Variants in CCDC102A observed in about 807,000 individuals in gnomAD.
The protein encoded by CCDC102A is coiled-coil domain containing 102A, also known as coiled-coil domain-containing protein 102A.
Under a neutral mutation model 55.5 loss-of-function variants are expected in CCDC102A, and 40 were observed. That is an observed-to-expected ratio of 0.72 (90% CI 0.56 to 0.94). The LOEUF (loss-of-function observed/expected upper bound fraction) is 0.94, where lower values mean the gene tolerates loss of function less well. Ranked by LOEUF, CCDC102A falls within the 40% of genes least tolerant of loss-of-function variation. CCDC102A has a pLI of 0.00. For synonymous variants in CCDC102A, 323 were observed against 339.0 expected (o/e 0.95, Z 0.52); for missense variants, 779 against 768.6 (o/e 1.01, Z -0.16).
chr16:57,535,110 G>T (rs766494530), intron 1 of CCDC102A, among the ~76,000 whole-genome samples: 55 of 152,322 alleles, frequency 3.6e-4, no homozygotes, highest in Middle Eastern at 3.4e-3. Flanking sequence ...AGAAAGCAGA[G>T]CCCAGTGGGA....
Position 57,528,834 on chromosome 16 carries a change from C to A in CCDC102A, c.344G>T (p.Arg115Leu). The change falls in exon 2 of 9, where the codon CGC (arginine) becomes CTC (leucine). Residue 115 changes from arginine (R) to leucine (L), a missense_variant. Arg to Leu is a moderately radical substitution (Grantham distance 102). Transcript: ENST00000258214. ...GCGCACCTCCTCGCGCGCGCGGTTGCGCTCAGCGCGCACCTTGCTCCATTT... is the reference window on the plus strand; with the variant it reads ...GCGCACCTCCTCGCGCGCGCGGTTGAGCTCAGCGCGCACCTTGCTCCATTT... ...REKWSKVRAE[R>L]NRAREEVRQL... 1.5e-6 allele frequency: 2 copies of A among 1,292,052 alleles called. No individual in the cohort carries two copies. The highest frequency in any genetic ancestry group is 1.7e-5 in the South Asian group (1 of 57,938). 80.0% of individuals were successfully genotyped at this position (1,292,052 alleles called of 1,614,324 possible). A position where few individuals can be genotyped will look rare whatever the true frequency, so the allele number is the denominator to read the frequency against.
At chr16:57,527,117 G>T (rs2032150659) in intron 2 of CCDC102A, among the ~76,000 whole-genome samples, 1 of 152,232 alleles carries the variant, frequency 6.6e-6, no homozygotes, top group South Asian at 2.1e-4. Context: ...TCAGCCACAG[G>T]AGGCAGCAGT....
chr16:57,531,357 C>G (rs1448630630), intron 1 of CCDC102A, among the ~76,000 whole-genome samples: 1 of 151,996 alleles, frequency 6.6e-6, no homozygotes, highest in African/African-American at 2.4e-5. Context: ...TTTCCTCCCC[C>G]ACCCACCGCC....
chr16:57,519,047 C>T (rs1325077235), intron 4 of CCDC102A, among the ~76,000 whole-genome samples: 1 of 152,212 alleles, frequency 6.6e-6, no homozygotes, highest in Non-Finnish European at 1.5e-5. Context: ...CCACCCTCCT[C>T]CCACAAAGCC....
intron 2 of CCDC102A, 83 bp from the exon 3 acceptor site, chr16:57,526,210 G>T: frequency 9.9e-7 from 1 of 1,012,100 alleles, no homozygotes; most frequent in Non-Finnish European, 1.4e-6. Context: ...GTAACCTTGG[G>T]CAAGTCACAC....
intron 4 of CCDC102A, among the ~76,000 whole-genome samples, chr16:57,520,122 G>A (rs1485395124): frequency 6.6e-6 from 1 of 152,156 alleles, no homozygotes; most frequent in Non-Finnish European, 1.5e-5. Context: ...GTACAGATAG[G>A]AACCCAATGA....
intron 5 of CCDC102A, 46 bp from the exon 6 acceptor site, chr16:57,518,323 T>C (rs772847984): frequency 2.5e-6 from 4 of 1,574,862 alleles, no homozygotes; most frequent in Non-Finnish European, 2.6e-6. Context: ...GGAGGGGGCA[T>C]GCAGGGCCTG....
In CCDC102A at chr16:57,528,776, C is replaced by T. The variant is rs778651639; in HGVS notation, c.402G>A (p.Lys134=). Residue 134 remains lysine, a synonymous_variant, in exon 2 of 9, where the codon AAG becomes AAA. Coordinates refer to ENST00000258214, the MANE Select transcript of CCDC102A (RefSeq NM_033212.4). The stretch of plus-strand genomic sequence containing the variant: ...GCTCGCGCCGTGCGCCCGCCAGCTC[C>T]TTGGTGAGCGCGTCCAGGCGCTGGC... ...QLRQRLDALT[K]ELAGARRERQ... The T allele has an allele frequency of 1.1e-5, 13 of 1,200,252 alleles. No homozygotes were observed. The highest frequency in any genetic ancestry group is 1.4e-5 in the Non-Finnish European group (13 of 959,254). The allele number at this position is 1,200,252 out of a possible 1,614,324, so 74.4% of individuals were successfully genotyped here. A position where few individuals can be genotyped will look rare whatever the true frequency, so the allele number is the denominator to read the frequency against.
In CCDC102A at chr16:57,529,272, ACG is replaced by A; in HGVS notation, c.-97_-96del. 1 of 1,117,578 alleles carries A rather than the reference ACG, an allele frequency of 8.9e-7. No homozygotes were observed. Among genetic ancestry groups the A allele is most frequent in the Non-Finnish European group, 1.1e-6 (1 of 913,414 alleles). 69.2% of individuals were successfully genotyped at this position (1,117,578 alleles called of 1,614,324 possible). ...GGGCGCGATACAACTGTGCATGATG[ACG>A]CCGTGCCCCGCTTCCCTCTGGGCCA... On this transcript the variant is annotated 5_prime_UTR_variant, in exon 2 of 9. Transcript: ENST00000258214. The surrounding 1 kb of genome is among the most constrained non-coding windows in gnomAD (Gnocchi z 4.1).
chr16:57,525,123 TC>T (rs2032114471), intron 3 of CCDC102A, among the ~76,000 whole-genome samples: 1 of 151,626 alleles, frequency 6.6e-6, no homozygotes, highest in Non-Finnish European at 1.5e-5. Context: ...TGAGACAGAG[TC>T]TTGCTCTGTC....
chr16:57,512,817 C>G lies in CCDC102A; in HGVS notation c.1577G>C (p.Arg526Pro). 2.0e-5 allele frequency: 32 copies of G among 1,614,112 alleles called. No homozygotes were observed. The highest frequency in any genetic ancestry group is 2.7e-5 in the Non-Finnish European group (32 of 1,179,976). ...APLFGKIRSA[R>P]FGTEEAEDGT... ...ATCCTCGGCCTCCTCGGTGCCAAAG[C>G]GAGCACTGCGGATCTTCCCGAAGAG... The change falls in exon 9 of 9, where the codon CGC (arginine) becomes CCC (proline). Residue 526 changes from arginine (R) to proline (P), a missense_variant. Transcript: ENST00000258214.
Position 57,516,135 on chromosome 16 carries a change from T to C in CCDC102A, c.1419+158A>G, listed in dbSNP as rs1287449737. Among the ~76,000 whole-genome samples the C allele has an allele frequency of 1.3e-5, 2 of 152,240 alleles. No homozygotes were observed. The highest frequency in any genetic ancestry group is 4.8e-5 in the African/African-American group (2 of 41,472). Reference sequence around the variant, plus strand: ...ACCCACATGTCCATCCTGCCATCCATTCATCACGCACCTACCCACTCTATC... The same window carrying C: ...ACCCACATGTCCATCCTGCCATCCACTCATCACGCACCTACCCACTCTATC... On this transcript the variant is annotated intron_variant, in intron 7 of 8. Coordinates refer to ENST00000258214, the MANE Select transcript of CCDC102A (RefSeq NM_033212.4). The surrounding 1 kb of genome is among the most constrained non-coding windows in gnomAD (Gnocchi z 4.4).
chr16:57,526,190 A>G lies in CCDC102A; in HGVS notation c.586-63T>C. On this transcript the variant is annotated intron_variant, in intron 2 of 8. Coordinates refer to ENST00000258214, the MANE Select transcript of CCDC102A (RefSeq NM_033212.4). ...CAAGCCAGGCCCTGGGTCTGAGATCAGCTTGATGGGTAACCTTGGGCAAGT... is the reference window on the plus strand; with the variant it reads ...CAAGCCAGGCCCTGGGTCTGAGATCGGCTTGATGGGTAACCTTGGGCAAGT... 3.2e-6 allele frequency: 4 copies of G among 1,251,466 alleles called. No homozygotes were observed. In the South Asian group the frequency reaches 4.1e-5, roughly 13 times the overall value. 77.5% of individuals were successfully genotyped at this position (1,251,466 alleles called of 1,614,324 possible). A position where few individuals can be genotyped will look rare whatever the true frequency, so the allele number is the denominator to read the frequency against.
At position 57,528,620 on chromosome 16, in the gene CCDC102A, G is replaced by C. The variant is rs748308222; in HGVS notation, c.558C>G (p.Val186=). 9 of 1,280,852 alleles carry C rather than the reference G, an allele frequency of 7.0e-6. No individual in the cohort carries two copies. Among genetic ancestry groups the C allele is most frequent in the African/African-American group, 1.6e-5 (1 of 61,940 alleles). 79.3% of individuals were successfully genotyped at this position (1,280,852 alleles called of 1,614,324 possible). A position where few individuals can be genotyped will look rare whatever the true frequency, so the allele number is the denominator to read the frequency against. The change falls in exon 2 of 9, where the codon GTC becomes GTG. Residue 186 remains valine, a synonymous_variant. Transcript: ENST00000258214. ...PEAEREPVRD[V]GSERPPGSQE... ...GGCTGCCTGGCGGCCTCTCGGACCC[G>C]ACGTCACGCACTGGCTCGCGCTCCG...
chr16:57,513,968 T>G (rs1023273184), intron 8 of CCDC102A, among the ~76,000 whole-genome samples: 48 of 152,346 alleles, frequency 3.2e-4, no homozygotes, highest in African/African-American at 1.1e-3. Context: ...TGATTCTGCC[T>G]GGCCACCCAC....
intron 2 of CCDC102A, 33 bp downstream of exon 2, chr16:57,528,560 C>A: frequency 8.4e-7 from 1 of 1,195,864 alleles, no homozygotes; most frequent in Non-Finnish European, 1.0e-6. Context: ...CACTTCGAGA[C>A]TGGAGCGCGA....
At chr16:57,513,869 G>A (rs1188940934) in intron 8 of CCDC102A, among the ~76,000 whole-genome samples, 3 of 152,226 alleles carry the variant, frequency 2.0e-5, no homozygotes, top group African/African-American at 7.2e-5. Context: ...GGTCTCTGCA[G>A]CCCATTCTCT....
intron 2 of CCDC102A, among the ~76,000 whole-genome samples, chr16:57,528,187 G>C (rs1205358257): frequency 6.6e-6 from 1 of 152,200 alleles, no homozygotes; most frequent in Admixed American, 6.5e-5. Flanking sequence ...ACCTCTTCCA[G>C]GAAAGCTTCT....
chr16:57,526,178 G>A (rs915524290), intron 2 of CCDC102A, 51 bp from the exon 3 acceptor site: 2 of 1,386,838 alleles, frequency 1.4e-6, no homozygotes, highest in Non-Finnish European at 9.7e-7. Context: ...GCCAGGCCCT[G>A]GGTCTGAGAT....
Sources: allele counts gnomAD v4.1 joint callset (sites outside exome capture counted in the v4.1 genomes callset), GRCh38; gene constraint gnomAD v4.1.1; non-coding constraint Gnocchi (gnomAD v3.1); transcripts MANE v1.5; gene names NCBI Gene and HGNC (gene_info 2026-07-23, HGNC 2026-07-21).